Variants in ZNF624 observed in about 807,000 individuals in gnomAD.
ZNF624 encodes the protein zinc finger protein 624.
In ZNF624, 43 loss-of-function variants were observed where a neutral mutation model predicts 74.7. That is an observed-to-expected ratio of 0.58 (90% CI 0.45 to 0.74). The LOEUF (loss-of-function observed/expected upper bound fraction) is 0.74. Among genes scored for constraint, ZNF624 ranks in the 30% least tolerant of loss-of-function variants. The probability of loss-of-function intolerance (pLI) is 0.00; values close to 1 mark genes in which losing one functional copy is unlikely to be tolerated. For synonymous variants in ZNF624, 331 were observed against 341.3 expected, an observed-to-expected ratio of 0.97 and a Z score of 0.33; for missense variants, 820 against 1,030.0, an observed-to-expected ratio of 0.80 and a Z score of 2.79.
chr17:16,627,746 G>A (rs1439700994), intron 5 of ZNF624, among the ~76,000 whole-genome samples: 1 of 152,108 alleles, frequency 6.6e-6, no homozygotes, highest in East Asian at 1.9e-4. Context: ...CAAATAGAAC[G>A]ACTAAGAAAT....
chr17:16,635,992 C>T (rs9911689), intron 3 of ZNF624, among the ~76,000 whole-genome samples: 7,996 of 152,166 alleles, frequency 0.053, 456 homozygotes, highest in South Asian at 0.13. Context: ...ATTACTTCCC[C>T]CTAAAAGGAA....
At position 16,622,849 on chromosome 17, in the gene ZNF624, A is replaced by G; in HGVS notation, c.2037T>C (p.Asn679=). 6.2e-7 allele frequency: 1 copy of G among 1,613,930 alleles called. No homozygotes were observed. Among genetic ancestry groups the G allele is most frequent in the Admixed American group, 1.7e-5 (1 of 60,022 alleles). Residue 679 remains asparagine (N), a synonymous_variant, in exon 6 of 6, where the codon AAT becomes AAC. Transcript: ENST00000311331. The part of the protein sequence containing the change: ...KCNECEKAFT[N]TSQLTVHQRR... ...GTTGGTGCACGGTAAGCTGTGATGT[A>G]TTAGTGAAGGCTTTCTCACATTCAT...
At chr17:16,652,499 TTTATGTAGA>T (rs145192409) in intron 1 of ZNF624, among the ~76,000 whole-genome samples, 5,512 of 152,272 alleles carry the variant, frequency 0.036, 326 homozygotes, top group African/African-American at 0.13. Flanking sequence ...TTGGCAATAC[TTTATGTAGA>T]TTATGTAGAT....
intron 3 of ZNF624, among the ~76,000 whole-genome samples, chr17:16,636,564 C>T (rs1909335631): frequency 6.6e-6 from 1 of 152,146 alleles, no homozygotes; most frequent in Non-Finnish European, 1.5e-5. Context: ...GGGCCGGGCG[C>T]CGTGGCTCAT....
the ZNF624 span, among the ~76,000 whole-genome samples, chr17:16,614,319 T>C: frequency 6.6e-6 from 1 of 151,832 alleles, no homozygotes. Context: ...GAAAACAGAG[T>C]ACATACATTA....
intron 3 of ZNF624, among the ~76,000 whole-genome samples, chr17:16,645,567 A>G (rs1909568677): frequency 6.6e-6 from 1 of 152,052 alleles, no homozygotes; most frequent in South Asian, 2.1e-4. Flanking sequence ...TTTGTACTAA[A>G]AAACATGTAC....
chr17:16,632,504 T>C (rs1909230132), intron 5 of ZNF624, among the ~76,000 whole-genome samples: 2 of 152,360 alleles, frequency 1.3e-5, no homozygotes, highest in Admixed American at 6.5e-5. Context: ...TCTAAAAAGT[T>C]ATCTAAAACT....
chr17:16,623,569 AGTGTGGGTCTT>A lies in ZNF624; in HGVS notation c.1306_1316del (p.Lys436Ter). On this transcript the variant is annotated frameshift_variant, in exon 6 of 6. Transcript: ENST00000311331. LOFTEE classifies it high-confidence loss of function. The surrounding 1 kb of genome is among the most constrained non-coding windows in gnomAD (Gnocchi z 5.3). ...CGTTGCACTGATATGGTTTCTCTTC[AGTGTGGGTCTT>A]CTGATGTACACTAAGATATGACTTG... 6.2e-7 allele frequency: 1 copy of A among 1,610,692 alleles called. No individual in the cohort carries two copies. The highest frequency in any genetic ancestry group is 8.5e-7 in the Non-Finnish European group (1 of 1,178,976).
intron 1 of ZNF624, among the ~76,000 whole-genome samples, chr17:16,652,644 T>C (rs1909753659): frequency 6.6e-6 from 1 of 152,168 alleles, no homozygotes; most frequent in Admixed American, 6.5e-5. Flanking sequence ...ATGTAATGCA[T>C]AGAAAAAAAG....
chr17:16,618,866 T>C (rs1908844223), downstream of ZNF624, among the ~76,000 whole-genome samples: 1 of 152,258 alleles, frequency 6.6e-6, no homozygotes, highest in African/African-American at 2.4e-5. Flanking sequence ...TAATTGACTA[T>C]ATTATTGGTA....
chr17:16,651,429 CAA>C (rs34186812), intron 1 of ZNF624, among the ~76,000 whole-genome samples: 28 of 84,368 alleles, frequency 3.3e-4, no homozygotes, highest in Non-Finnish European at 2.9e-4. Context: ...GACTCCATCT[CAA>C]AAAAAAAAAA....
At chr17:16,629,135 T>C (rs1026278071) in intron 5 of ZNF624, among the ~76,000 whole-genome samples, 1 of 145,094 alleles carries the variant, frequency 6.9e-6, no homozygotes, top group African/African-American at 2.6e-5. Flanking sequence ...GAGGCAGAGG[T>C]TGCAGTGAGC....
downstream of ZNF624, among the ~76,000 whole-genome samples, chr17:16,618,107 C>T (rs572538957): frequency 6.6e-6 from 1 of 152,186 alleles, no homozygotes; most frequent in East Asian, 1.9e-4. Flanking sequence ...ATCCACCTGC[C>T]TCAGGTGGAT....
At chr17:16,615,099 C>G in the ZNF624 span, among the ~76,000 whole-genome samples, 1 of 151,948 alleles carries the variant, frequency 6.6e-6, no homozygotes, top group Non-Finnish European at 1.5e-5. Context: ...TCAGTTTCAG[C>G]TTTCTTTTTT....
Position 16,624,337 on chromosome 17 carries a change from C to T in ZNF624, c.549G>A (p.Glu183=), listed in dbSNP as rs1344069841. ...DRILRLQNNQ[E]NHLSQRIIPL... ...GAATTATTCTTTGACTCAAATGATTCTCCTGATTATTTTGTAATCTCAATA... is the reference window on the plus strand; with the variant it reads ...GAATTATTCTTTGACTCAAATGATTTTCCTGATTATTTTGTAATCTCAATA... Residue 183 remains glutamate, a synonymous_variant, in exon 6 of 6, where the codon GAG becomes GAA. Transcript: ENST00000311331. 3 of 1,613,510 alleles carry T rather than the reference C, an allele frequency of 1.9e-6. No individual in the cohort carries two copies. The highest frequency in any genetic ancestry group is 1.3e-5 in the African/African-American group (1 of 74,894).
At chr17:16,630,866 G>A (rs1909190316) in intron 5 of ZNF624, among the ~76,000 whole-genome samples, 2 of 142,496 alleles carry the variant, frequency 1.4e-5, no homozygotes, top group African/African-American at 4.9e-5. Context: ...GGAAGCAAAT[G>A]TATAGTCTCA....
At position 16,652,856 on chromosome 17, in the gene ZNF624, C is replaced by G. The variant is rs575657555; in HGVS notation, c.-3+908G>C. On this transcript the variant is annotated intron_variant, in intron 1 of 5. Transcript: ENST00000311331. ...GCTTTGGCTACCGTAAAACTGTGAC[C>G]ACAGGCAAGTCACTTGAGCACAACG... Among the ~76,000 whole-genome samples the G allele has an allele frequency of 1.0e-3, 152 of 152,348 alleles. 1 individual carries two copies. Among genetic ancestry groups the G allele is most frequent in the African/African-American group, 3.7e-3 (152 of 41,586 alleles).
Position 16,624,029 on chromosome 17 carries a change from T to A in ZNF624, c.857A>T (p.His286Leu). The A allele has an allele frequency of 1.2e-6, 2 of 1,613,680 alleles. No homozygotes were observed. The highest frequency in any genetic ancestry group is 1.1e-5 in the South Asian group (1 of 90,970). ...ATGTTGAATGAGCAATGATCTATAA[T>A]GAAAGGCCTTTTCGCATGTACTACA... ...YKCSTCEKAF[H>L]YRSLLIQHQR... Residue 286 changes from histidine to leucine, a missense_variant, in exon 6 of 6, where the codon CAT (histidine) becomes CTT (leucine). By Grantham distance (99) the His-to-Leu change is moderately conservative. Coordinates refer to ENST00000311331, the MANE Select transcript of ZNF624 (RefSeq NM_020787.4).
At chr17:16,639,971 GAAGTC>G (rs1191539675) in intron 3 of ZNF624, among the ~76,000 whole-genome samples, 1 of 152,176 alleles carries the variant, frequency 6.6e-6, no homozygotes, top group Non-Finnish European at 1.5e-5. Context: ...TACCTCCGAG[GAAGTC>G]AAGACATTGT....
Sources: allele counts gnomAD v4.1 joint callset (sites outside exome capture counted in the v4.1 genomes callset), GRCh38; gene constraint gnomAD v4.1.1; non-coding constraint Gnocchi (gnomAD v3.1); transcripts MANE v1.5; gene names NCBI Gene and HGNC (gene_info 2026-07-23, HGNC 2026-07-21).